NHEJ1: variants seen among roughly 807,000 people sequenced by gnomAD.
NHEJ1 encodes non-homologous end-joining factor 1.
In NHEJ1, 22 loss-of-function variants were observed where a neutral mutation model predicts 39.4. The observed-to-expected ratio is 0.56, with a 90% CI of 0.40 to 0.80. The LOEUF (loss-of-function observed/expected upper bound fraction) is 0.80, where lower values mean the gene tolerates loss of function less well. Ranked by LOEUF, NHEJ1 falls within the 30% of genes least tolerant of loss-of-function variation. NHEJ1 has a pLI of 0.00. For missense variants in NHEJ1, 329 were observed against 357.1 expected, an observed-to-expected ratio of 0.92 and a Z score of 0.63; for synonymous variants, 154 against 135.6, an observed-to-expected ratio of 1.14 and a Z score of -0.94.
In NHEJ1 at chr2:219,076,357, C is replaced by A. The variant is rs1313227674; in HGVS notation, c.*24G>T. ...TTGGAAGCTGTTCTCCAAGTCCATC[C>A]TCAGCAGCTGAGGCCACAACAGATT... On this transcript the variant is annotated 3_prime_UTR_variant, in exon 8 of 8. Transcript: ENST00000356853. The A allele has an allele frequency of 1.9e-6, 3 of 1,613,986 alleles. No homozygotes were observed. In the East Asian group the frequency reaches 6.7e-5, roughly 36 times the overall value.
chr2:219,087,026 G>A (rs1035321217), intron 5 of NHEJ1, among the ~76,000 whole-genome samples: 2 of 151,904 alleles, frequency 1.3e-5, no homozygotes, highest in African/African-American at 2.4e-5. Context: ...TGGGGGGGAC[G>A]GATCCTCAGA....
intron 5 of NHEJ1, among the ~76,000 whole-genome samples, chr2:219,104,473 T>C (rs570323921): frequency 1.5e-4 from 23 of 152,120 alleles, no homozygotes; most frequent in Non-Finnish European, 2.6e-4. Flanking sequence ...GGGTGCAAGA[T>C]CTATCAAGGC....
chr2:219,149,801 T>G (rs1431756707), intron 3 of NHEJ1, among the ~76,000 whole-genome samples: 1 of 152,254 alleles, frequency 6.6e-6, no homozygotes, highest in Non-Finnish European at 1.5e-5. Flanking sequence ...TTTGGCTTTG[T>G]GGCCTATCCA....
At chr2:219,121,474 AC>A (rs1368095673) in intron 5 of NHEJ1, among the ~76,000 whole-genome samples, 1 of 151,956 alleles carries the variant, frequency 6.6e-6, no homozygotes, top group African/African-American at 2.4e-5. Context: ...TCCTATGTCC[AC>A]CTCTTTTATT....
chr2:219,086,813 G>A (rs1472656314), intron 5 of NHEJ1, among the ~76,000 whole-genome samples: 1 of 152,118 alleles, frequency 6.6e-6, no homozygotes, highest in African/African-American at 2.4e-5. Context: ...TGCTAGACAA[G>A]GTGGAACTTC....
At chr2:219,117,378 C>T (rs17608747) in intron 5 of NHEJ1, among the ~76,000 whole-genome samples, 20,957 of 152,160 alleles carry the variant, frequency 0.14, 1,855 homozygotes, top group Middle Eastern at 0.31. Context: ...GGGATGAAGG[C>T]CTCTAGGCAA....
intron 5 of NHEJ1, among the ~76,000 whole-genome samples, chr2:219,091,851 T>C (rs1232679976): frequency 3.3e-5 from 5 of 151,982 alleles, no homozygotes. Context: ...TGTGTGTATA[T>C]AAAATTAATG....
intron 5 of NHEJ1, among the ~76,000 whole-genome samples, chr2:219,084,522 T>A (rs1949095186): frequency 6.6e-6 from 1 of 152,174 alleles, no homozygotes. Flanking sequence ...AACTCCTCGG[T>A]CTCTAGCAAT....
chr2:219,069,743 GA>G lies in NHEJ1; in HGVS notation c.*6637del, dbSNP rs1364295177. ...ACTAATAGGAAGAATTCACTGGGAAGAAAAATCCCCACGGGAAGCTCCAGAG... is the reference window on the plus strand; with the variant it reads ...ACTAATAGGAAGAATTCACTGGGAAGAAAATCCCCACGGGAAGCTCCAGAG... On this transcript the variant is annotated 3_prime_UTR_variant, in exon 8 of 8. Coordinates refer to ENST00000356853, the MANE Select transcript of NHEJ1 (RefSeq NM_024782.3). 6.6e-6 allele frequency: 1 copy of G among 152,210 alleles called. No individual in the cohort carries two copies. Among genetic ancestry groups the G allele is most frequent in the Non-Finnish European group, 1.5e-5 (1 of 68,028 alleles). The allele number at this position is 152,210 out of a possible 1,614,324, so 9.4% of individuals were successfully genotyped here. A position where few individuals can be genotyped will look rare whatever the true frequency, so the allele number is the denominator to read the frequency against.
intron 3 of NHEJ1, among the ~76,000 whole-genome samples, chr2:219,155,577 A>C (rs1340616476): frequency 1.3e-5 from 2 of 152,182 alleles, no homozygotes; most frequent in Non-Finnish European, 2.9e-5. Flanking sequence ...TAATAAATGA[A>C]TAAGTAATTC....
At chr2:219,150,682 G>A (rs188207903) in intron 3 of NHEJ1, among the ~76,000 whole-genome samples, 116 of 152,128 alleles carry the variant, frequency 7.6e-4, no homozygotes, top group African/African-American at 2.7e-3. Flanking sequence ...TTGGCCGGAC[G>A]CAGTGGCTCA....
intron 5 of NHEJ1, among the ~76,000 whole-genome samples, chr2:219,137,191 A>G (rs1949640079): frequency 6.6e-6 from 1 of 152,126 alleles, no homozygotes; most frequent in African/African-American, 2.4e-5. Flanking sequence ...ATGCACAGCC[A>G]TACCTTCCTC....
chr2:219,114,080 G>A (rs1444936091), intron 5 of NHEJ1, among the ~76,000 whole-genome samples: 1 of 152,174 alleles, frequency 6.6e-6, no homozygotes, highest in Non-Finnish European at 1.5e-5. Context: ...GAAGTTCACG[G>A]CTTTGAGCAT....
At chr2:219,107,348 G>C (rs1319985242) in intron 5 of NHEJ1, among the ~76,000 whole-genome samples, 1 of 152,134 alleles carries the variant, frequency 6.6e-6, no homozygotes, top group East Asian at 1.9e-4. Context: ...GAACCTCAGG[G>C]TGTATCTGAT....
chr2:219,131,906 C>A (rs1441824682), intron 5 of NHEJ1, among the ~76,000 whole-genome samples: 2 of 152,216 alleles, frequency 1.3e-5, no homozygotes, highest in African/African-American at 4.8e-5. Context: ...AAACTTCCAA[C>A]AGGTGTAACA....
chr2:219,079,220 T>C (rs951156873), intron 5 of NHEJ1, among the ~76,000 whole-genome samples: 1 of 152,156 alleles, frequency 6.6e-6, no homozygotes, highest in Non-Finnish European at 1.5e-5. Context: ...CTTCGGAATC[T>C]TGGAAAGGGC....
rs1949278203 is a variant in NHEJ1, at chr2:219,102,963, C to T, written c.589-24757G>A. Among the ~76,000 whole-genome samples, 4 of 140,210 alleles carry T rather than the reference C, an allele frequency of 2.9e-5. No individual in the cohort carries two copies. The South Asian group carries it at 9.1e-4, about 32-fold the overall frequency. The allele number at this position is 140,210 out of a possible 152,430, so 92.0% of individuals were successfully genotyped here. A position where few individuals can be genotyped will look rare whatever the true frequency, so the allele number is the denominator to read the frequency against. The stretch of plus-strand genomic sequence containing the variant: ...GAGCTTGCAGTGAGCCGAGATCCCG[C>T]CACTGCACTCCAGCCTGGGCGACAG... On this transcript the variant is annotated intron_variant, in intron 5 of 7. Transcript: ENST00000356853.
chr2:219,145,688 C>T lies in NHEJ1; in HGVS notation c.588+992G>A, dbSNP rs375445579. 2.5e-3 allele frequency among the ~76,000 whole-genome samples: 383 copies of T among 152,174 alleles called. 1 individual carries two copies. The highest frequency in any genetic ancestry group is 8.5e-3 in the African/African-American group (351 of 41,518). On this transcript the variant is annotated intron_variant, in intron 5 of 7. Coordinates refer to ENST00000356853, the MANE Select transcript of NHEJ1 (RefSeq NM_024782.3). ...GTGGCTCACACTTGTAATCCCAGCA[C>T]TTTGGGAGGCCGAGGTGGGTGGTCA...
rs572541388 is a variant in NHEJ1 at position 219,133,990 on chromosome 2, T to C, written c.588+12690A>G. Among the ~76,000 whole-genome samples the C allele has an allele frequency of 5.3e-5, 8 of 152,362 alleles. No individual in the cohort carries two copies. The South Asian group carries it at 1.0e-3, about 20-fold the overall frequency. Reference sequence around the variant, plus strand: ...CAAACACATATGCATCTTTCCATCTTATTTCGTTTAAACTACTTCTAGCTC... The same window carrying C: ...CAAACACATATGCATCTTTCCATCTCATTTCGTTTAAACTACTTCTAGCTC... On this transcript the variant is annotated intron_variant, in intron 5 of 7. Transcript: ENST00000356853.
Sources: gnomAD v4.1 joint callset for allele counts (sites outside exome capture counted in the v4.1 genomes callset) on GRCh38, gnomAD v4.1.1 for gene constraint, MANE v1.5 for transcripts, NCBI Gene and HGNC (gene_info 2026-07-23, HGNC 2026-07-21) for gene names.